Variants in PPM1L observed in about 807,000 individuals in gnomAD.
PPM1L encodes protein phosphatase 1L.
PPM1L carries 13 observed loss-of-function variants against 31.4 expected under a neutral mutation model. The ratio of observed to expected loss-of-function variants is 0.41; its 90% CI spans 0.27 to 0.66. The LOEUF (loss-of-function observed/expected upper bound fraction) is 0.66, where lower values mean the gene tolerates loss of function less well. PPM1L is among the 30% of genes least tolerant of loss of function. The pLI is 0.29. For missense variants in PPM1L, 326 were observed against 453.7 expected (o/e 0.72, Z 2.56); for synonymous variants, 184 against 175.4 (o/e 1.05, Z -0.39).
intron 2 of PPM1L, among the ~76,000 whole-genome samples, chr3:161,010,074 T>C (rs1177887171): frequency 6.6e-6 from 1 of 152,194 alleles, no homozygotes; most frequent in African/African-American, 2.4e-5. Context: ...TACACATGTA[T>C]ACATGCACCA....
chr3:161,074,261 G>A lies in PPM1L; in HGVS notation c.*5104G>A, dbSNP rs1354925493. On this transcript the variant is annotated 3_prime_UTR_variant, in exon 4 of 4. Transcript: ENST00000498165. ...TATCATCCCACCTTTCATGTTTTATGTACATAGTTAAGTTTGGCATGTTAT... is the reference window on the plus strand; with the variant it reads ...TATCATCCCACCTTTCATGTTTTATATACATAGTTAAGTTTGGCATGTTAT... 2.0e-5 allele frequency: 3 copies of A among 152,102 alleles called. No homozygotes were observed. The highest frequency in any genetic ancestry group is 2.9e-5 in the Non-Finnish European group (2 of 68,026). The allele number at this position is 152,102 out of a possible 1,614,324, so 9.4% of individuals were successfully genotyped here.
At chr3:160,812,640 A>G (rs371048406) in intron 1 of PPM1L, among the ~76,000 whole-genome samples, 2 of 152,048 alleles carry the variant, frequency 1.3e-5, no homozygotes, top group South Asian at 4.1e-4. Context: ...CATTCAGTCT[A>G]TGAGAGTCTG....
intron 3 of PPM1L, among the ~76,000 whole-genome samples, chr3:161,066,388 A>T (rs1719740362): frequency 6.6e-6 from 1 of 152,176 alleles, no homozygotes; most frequent in Admixed American, 6.5e-5. Context: ...TAACAAAAAA[A>T]AATAGTAAAA....
In PPM1L at chr3:160,891,447, TACCATCTCAC is replaced by T. The variant is rs552161540; in HGVS notation, c.400-70284_400-70275del. ...AATGCAAATCAAAACCATAATGAGA[TACCATCTCAC>T]ACCAGTCAGAATGGTGATTATTAAA... On this transcript the variant is annotated intron_variant, in intron 1 of 3. Coordinates refer to ENST00000498165, the MANE Select transcript of PPM1L (RefSeq NM_139245.4). 5.3e-3 allele frequency among the ~76,000 whole-genome samples: 814 copies of T among 152,264 alleles called. 9 individuals carry two copies. Among genetic ancestry groups the T allele is most frequent in the African/African-American group, 0.019 (777 of 41,548 alleles).
chr3:160,857,229 T>G (rs2108117906), intron 1 of PPM1L, among the ~76,000 whole-genome samples: 1 of 152,296 alleles, frequency 6.6e-6, no homozygotes, highest in African/African-American at 2.4e-5. Context: ...ATTCTGACAG[T>G]GTGGGCTTTG....
chr3:160,995,505 G>T (rs1212653718), intron 2 of PPM1L, among the ~76,000 whole-genome samples: 1 of 152,044 alleles, frequency 6.6e-6, no homozygotes, highest in Non-Finnish European at 1.5e-5. Flanking sequence ...ATTTTTAGTA[G>T]TCACGGGGTT....
chr3:161,018,643 T>C (rs1301348896), intron 2 of PPM1L, among the ~76,000 whole-genome samples: 2 of 152,196 alleles, frequency 1.3e-5, no homozygotes, highest in Non-Finnish European at 2.9e-5. Context: ...TATAAATATT[T>C]ATTATACACT....
At chr3:161,048,448 G>C (rs1719154311) in intron 2 of PPM1L, among the ~76,000 whole-genome samples, 1 of 152,204 alleles carries the variant, frequency 6.6e-6, no homozygotes, top group South Asian at 2.1e-4. Flanking sequence ...TGGAGAGAAT[G>C]TGGAGAAATA....
intron 1 of PPM1L, among the ~76,000 whole-genome samples, chr3:160,838,426 CAT>C (rs1485591439): frequency 2.0e-5 from 3 of 152,218 alleles, no homozygotes; most frequent in Non-Finnish European, 4.4e-5. Flanking sequence ...CCCAAGGAAA[CAT>C]AGCATGTTTA....
chr3:160,892,051 C>T (rs1319073188), intron 1 of PPM1L, among the ~76,000 whole-genome samples: 1 of 152,072 alleles, frequency 6.6e-6, no homozygotes, highest in East Asian at 1.9e-4. Flanking sequence ...ATGTTGATGA[C>T]GGGTTGATGG....
At chr3:160,847,131 A>G (rs548212825) in intron 1 of PPM1L, among the ~76,000 whole-genome samples, 1 of 152,280 alleles carries the variant, frequency 6.6e-6, no homozygotes, top group South Asian at 2.1e-4. Context: ...GCTTTTCTTA[A>G]ACAAGTCAAA....
chr3:160,855,395 A>T (rs898591651), intron 1 of PPM1L, among the ~76,000 whole-genome samples: 3 of 151,782 alleles, frequency 2.0e-5, no homozygotes, highest in Non-Finnish European at 4.4e-5. Context: ...TAAATTAAAG[A>T]ACTCTGCACA....
chr3:161,054,833 A>G (rs533477423), intron 2 of PPM1L, among the ~76,000 whole-genome samples: 67 of 152,268 alleles, frequency 4.4e-4, no homozygotes, highest in African/African-American at 1.6e-3. Context: ...AGCTGTCACA[A>G]TGTGGCCCAT....
At chr3:160,774,035 C>G (rs769149347) in intron 1 of PPM1L, among the ~76,000 whole-genome samples, 9 of 152,140 alleles carry the variant, frequency 5.9e-5, no homozygotes, top group Non-Finnish European at 1.0e-4. Flanking sequence ...CACAGGGCTC[C>G]CCTTCCTGTT....
At chr3:160,815,047 G>A (rs1191041885) in intron 1 of PPM1L, among the ~76,000 whole-genome samples, 1 of 152,098 alleles carries the variant, frequency 6.6e-6, no homozygotes, top group Non-Finnish European at 1.5e-5. Context: ...CACATTGGGT[G>A]CAGTGTACAC....
intron 1 of PPM1L, among the ~76,000 whole-genome samples, chr3:160,817,747 G>A (rs1213069552): frequency 1.3e-5 from 2 of 152,004 alleles, no homozygotes; most frequent in Non-Finnish European, 2.9e-5. Flanking sequence ...GAGAGCTGTG[G>A]TGCCATTGAT....
chr3:160,837,440 G>A (rs748391007), intron 1 of PPM1L, among the ~76,000 whole-genome samples: 39 of 152,216 alleles, frequency 2.6e-4, no homozygotes, highest in South Asian at 2.1e-4. Flanking sequence ...CACTGTTATT[G>A]TCAAGATAAA....
intron 1 of PPM1L, among the ~76,000 whole-genome samples, chr3:160,908,707 C>T (rs1312353920): frequency 6.6e-6 from 1 of 152,074 alleles, no homozygotes; most frequent in African/African-American, 2.4e-5. Flanking sequence ...AAACAGTTTA[C>T]CACCAAGTAG....
intron 2 of PPM1L, among the ~76,000 whole-genome samples, chr3:160,999,570 C>T (rs1252157150): frequency 1.3e-5 from 2 of 152,220 alleles, no homozygotes; most frequent in Non-Finnish European, 2.9e-5. Context: ...TGCTGCCACA[C>T]TCTTAGGAAG....
Sources: allele counts gnomAD v4.1 joint callset (sites outside exome capture counted in the v4.1 genomes callset), GRCh38; gene constraint gnomAD v4.1.1; transcripts MANE v1.5; gene names NCBI Gene and HGNC (gene_info 2026-07-23, HGNC 2026-07-21).